The following TCF12 variants were observed in gnomAD, a reference collection of about 807,000 sequenced individuals.
The protein encoded by TCF12 is DNA-binding protein HTF4.
TCF12 carries 45 observed loss-of-function variants against 86.0 expected under a neutral mutation model. That is an observed-to-expected ratio of 0.52 (90% CI 0.41 to 0.67). The LOEUF (loss-of-function observed/expected upper bound fraction) is 0.67, where lower values mean the gene tolerates loss of function less well. Among genes scored for constraint, TCF12 ranks in the 30% least tolerant of loss-of-function variants. The pLI is 0.00. For synonymous variants in TCF12, 330 were observed against 299.6 expected (o/e 1.10, Z -1.05); for missense variants, 881 against 859.9 (o/e 1.02, Z -0.31).
chr15:57,117,171 C>T (rs1419370335), intron 5 of TCF12, among the ~76,000 whole-genome samples: 1 of 151,632 alleles, frequency 6.6e-6, no homozygotes, highest in Non-Finnish European at 1.5e-5. Context: ...TCCCAAGGAG[C>T]TGTGACTACA....
rs191254528 is a variant in TCF12 at position 56,965,075 on chromosome 15, C to T, written c.148+43977C>T. On this transcript the variant is annotated intron_variant, in intron 3 of 20. Coordinates refer to ENST00000333725, the MANE Select transcript of TCF12 (RefSeq NM_207037.2). ...AGAATGACACTTAAGTGGTAGTATTCTAGATGCTTAGGAGATGCCTACAGT... is the reference window on the plus strand; with the variant it reads ...AGAATGACACTTAAGTGGTAGTATTTTAGATGCTTAGGAGATGCCTACAGT... Among the ~76,000 whole-genome samples the T allele has an allele frequency of 2.6e-3, 391 of 152,252 alleles. 2 individuals are homozygous for T. The highest frequency in any genetic ancestry group is 0.017 in the Middle Eastern group (5 of 294).
intron 3 of TCF12, among the ~76,000 whole-genome samples, chr15:56,997,979 GA>G (rs2063801653): frequency 6.6e-6 from 1 of 152,138 alleles, no homozygotes; most frequent in Non-Finnish European, 1.5e-5. Flanking sequence ...ATTACATATT[GA>G]TAAAAGAATT....
chr15:57,077,319 GTATA>G lies in TCF12; in HGVS notation c.222+13502_222+13505del, dbSNP rs201019325. On this transcript the variant is annotated intron_variant, in intron 4 of 20. Transcript: ENST00000333725. ...TTAAGTATTTACTTTCCATATATAT[GTATA>G]TATATGTGTGTGTGTGTGTGTGTGT... is the stretch of plus-strand genomic sequence containing the variant. Among the ~76,000 whole-genome samples the G allele has an allele frequency of 1.0e-3, 38 of 37,982 alleles. 1 individual carries two copies. The highest frequency in any genetic ancestry group is 5.6e-3 in the African/African-American group (33 of 5,882). The allele number at this position is 37,982 out of a possible 152,430, so 24.9% of individuals were successfully genotyped here.
chr15:56,960,492 T>A (rs1172102137), intron 3 of TCF12, among the ~76,000 whole-genome samples: 2 of 149,924 alleles, frequency 1.3e-5, no homozygotes, highest in African/African-American at 4.9e-5. Context: ...TGCAGTGGCA[T>A]AATCTCGGCT....
At chr15:57,168,199 C>T (rs1436516120) in intron 6 of TCF12, among the ~76,000 whole-genome samples, 1 of 152,174 alleles carries the variant, frequency 6.6e-6, no homozygotes, top group East Asian at 1.9e-4. Context: ...GAAGTATTTA[C>T]ACTGCACTGT....
chr15:57,204,749 C>G (rs1202295008), intron 8 of TCF12, among the ~76,000 whole-genome samples: 1 of 144,048 alleles, frequency 6.9e-6, no homozygotes, highest in African/African-American at 2.7e-5. Flanking sequence ...CTGAGGGTGT[C>G]TAAACTGAAG....
intron 16 of TCF12, among the ~76,000 whole-genome samples, chr15:57,254,441 C>T (rs1303977493): frequency 6.6e-6 from 1 of 152,068 alleles, no homozygotes; most frequent in Non-Finnish European, 1.5e-5. Context: ...GCATGGGTAA[C>T]ATTAGATACC....
intron 5 of TCF12, among the ~76,000 whole-genome samples, chr15:57,159,848 A>G (rs774917534): frequency 6.6e-6 from 1 of 152,212 alleles, no homozygotes; most frequent in Non-Finnish European, 1.5e-5. Flanking sequence ...AAGCTATTCT[A>G]TTTTGTACTG....
chr15:57,019,577 G>A (rs1301772068), intron 3 of TCF12, among the ~76,000 whole-genome samples: 9 of 152,086 alleles, frequency 5.9e-5, no homozygotes, highest in Non-Finnish European at 2.9e-5. Context: ...ATAGGGGTAC[G>A]GAAAAACGGT....
At chr15:57,285,388 ATATAT>A (rs1262106269) in intron 20 of TCF12, among the ~76,000 whole-genome samples, 1 of 152,242 alleles carries the variant, frequency 6.6e-6, no homozygotes, top group African/African-American at 2.4e-5. Context: ...TTACTGCTAT[ATATAT>A]TATATTGGGA....
chr15:56,986,576 T>A (rs544666277), intron 3 of TCF12, among the ~76,000 whole-genome samples: 26 of 152,246 alleles, frequency 1.7e-4, no homozygotes, highest in Non-Finnish European at 3.2e-4. Flanking sequence ...ATAGAAATCT[T>A]CCAGAAGTTT....
intron 3 of TCF12, among the ~76,000 whole-genome samples, chr15:56,946,601 C>G (rs1388186365): frequency 3.3e-5 from 5 of 152,036 alleles, no homozygotes; most frequent in Non-Finnish European, 5.9e-5. Flanking sequence ...TCACATTTTT[C>G]TGCTGCTGCA....
intron 5 of TCF12, among the ~76,000 whole-genome samples, chr15:57,148,200 A>T (rs2053499773): frequency 2.2e-5 from 1 of 44,680 alleles, no homozygotes; most frequent in South Asian, 1.4e-3. Context: ...TGTTAACAGT[A>T]TAATAAAAAG....
intron 3 of TCF12, among the ~76,000 whole-genome samples, chr15:57,024,511 A>G (rs2141282879): frequency 6.6e-6 from 1 of 152,106 alleles, no homozygotes; most frequent in East Asian, 1.9e-4. Context: ...ACTGCACCCA[A>G]CCCAAAAAAG....
chr15:57,092,853 G>T (rs557980333), intron 5 of TCF12, among the ~76,000 whole-genome samples: 1 of 151,946 alleles, frequency 6.6e-6, no homozygotes, highest in African/African-American at 2.4e-5. Context: ...TCTTAGAATC[G>T]TCCTTTTAAG....
rs150123579 is a variant in TCF12 at position 57,047,303 on chromosome 15, A to G, written c.149-16447A>G. 3.5e-3 allele frequency among the ~76,000 whole-genome samples: 540 copies of G among 152,364 alleles called. 2 individuals are homozygous for G. Among genetic ancestry groups the G allele is most frequent in the African/African-American group, 0.013 (521 of 41,584 alleles). On this transcript the variant is annotated intron_variant, in intron 3 of 20. Transcript: ENST00000333725. ...TTTGTAGAATAAATGGAGAGATTTTAGCCCTTCACTTGTAATTCAAGGTTA... is the reference window on the plus strand; with the variant it reads ...TTTGTAGAATAAATGGAGAGATTTTGGCCCTTCACTTGTAATTCAAGGTTA...
rs191081134 is a variant in TCF12 at position 57,209,941 on chromosome 15, G to A, written c.579+12116G>A. ...CAGTTTATGGAACACACTTTCCCTC[G>A]TATCCAAATGGCTAGTTTTCTCTTT... On this transcript the variant is annotated intron_variant, in intron 8 of 20. Transcript: ENST00000333725. Among the ~76,000 whole-genome samples the A allele has an allele frequency of 5.9e-5, 9 of 152,122 alleles. No individual in the cohort carries two copies. The East Asian group carries it at 7.7e-4, about 13-fold the overall frequency.
chr15:57,266,094 T>G (rs200994860), intron 18 of TCF12, among the ~76,000 whole-genome samples: 33,626 of 89,652 alleles, frequency 0.38, 4,559 homozygotes, highest in African/African-American at 0.54. Context: ...TTATTATTTA[T>G]TTATTTATTT....
chr15:56,938,557 T>A (rs2060585534), intron 3 of TCF12, among the ~76,000 whole-genome samples: 1 of 152,204 alleles, frequency 6.6e-6, no homozygotes, highest in South Asian at 2.1e-4. Context: ...TTTCTCTGTC[T>A]TATGGAATAG....
Sources: gnomAD v4.1 joint callset for allele counts (sites outside exome capture counted in the v4.1 genomes callset) on GRCh38, gnomAD v4.1.1 for gene constraint, MANE v1.5 for transcripts, NCBI Gene and HGNC (gene_info 2026-07-23, HGNC 2026-07-21) for gene names.